Variants in TNRC6A observed in about 807,000 individuals in gnomAD.
TNRC6A encodes trinucleotide repeat containing adaptor 6A, also known as trinucleotide repeat-containing gene 6A protein.
TNRC6A carries 44 observed loss-of-function variants against 221.2 expected under a neutral mutation model. That is an observed-to-expected ratio of 0.20 (90% CI 0.16 to 0.26). The LOEUF (loss-of-function observed/expected upper bound fraction) is 0.26, where lower values mean the gene tolerates loss of function less well. Among genes scored for constraint, TNRC6A ranks in the 10% least tolerant of loss-of-function variants. The pLI, the probability that TNRC6A is intolerant of heterozygous loss-of-function variation, is 1.00. For synonymous variants in TNRC6A, 847 were observed against 838.5 expected, an observed-to-expected ratio of 1.01 and a Z score of -0.18; for missense variants, 2,199 against 2,404.4, an observed-to-expected ratio of 0.91 and a Z score of 1.79.
intron 14 of TNRC6A, 34 bp from the exon 15 acceptor site, chr16:24,805,571 A>T (rs780780864): frequency 5.6e-6 from 9 of 1,612,290 alleles, no homozygotes; most frequent in Non-Finnish European, 7.6e-6. Flanking sequence ...GAGTTATTTT[A>T]TCAAGATCAT....
intron 2 of TNRC6A, among the ~76,000 whole-genome samples, chr16:24,667,996 G>A (rs1053848456): frequency 6.6e-6 from 1 of 152,110 alleles, no homozygotes; most frequent in Admixed American, 6.6e-5. Flanking sequence ...CTGCACTCCA[G>A]TCATGGCAAC....
chr16:24,621,526 T>G (rs930746681), intron 1 of TNRC6A, among the ~76,000 whole-genome samples: 1 of 151,660 alleles, frequency 6.6e-6, no homozygotes, highest in Non-Finnish European at 1.5e-5. Flanking sequence ...CCCAACTAAT[T>G]TTTGTATTTT....
chr16:24,749,650 G>T (rs989467063), intron 2 of TNRC6A, among the ~76,000 whole-genome samples: 10 of 152,134 alleles, frequency 6.6e-5, no homozygotes, highest in African/African-American at 2.2e-4. Context: ...TTATTCTTGG[G>T]TGGGGTGGCT....
chr16:24,660,768 G>A (rs1185533221), intron 2 of TNRC6A, among the ~76,000 whole-genome samples: 2 of 120,226 alleles, frequency 1.7e-5, no homozygotes, highest in Admixed American at 2.1e-4. Flanking sequence ...TTGAGACGGA[G>A]TCTCGCTCTG....
intron 2 of TNRC6A, among the ~76,000 whole-genome samples, chr16:24,660,871 A>G (rs1270379820): frequency 2.0e-5 from 3 of 150,110 alleles, no homozygotes; most frequent in African/African-American, 4.9e-5. Context: ...CCTCCCGAGT[A>G]GCTGGGACTA....
intron 3 of TNRC6A, among the ~76,000 whole-genome samples, chr16:24,751,282 A>G (rs1483146612): frequency 6.6e-6 from 1 of 152,160 alleles, no homozygotes; most frequent in Non-Finnish European, 1.5e-5. Flanking sequence ...GAAATAGAGT[A>G]TTAAAGGAAA....
chr16:24,797,355 ATAAGAG>A, intron 9 of TNRC6A, 129 bp from the exon 10 acceptor site: 1 of 597,748 alleles, frequency 1.7e-6, no homozygotes, highest in Non-Finnish European at 2.9e-6. Flanking sequence ...AACAACTCTG[ATAAGAG>A]TTGATTGGAG....
chr16:24,694,556 G>A (rs2055819424), intron 2 of TNRC6A, among the ~76,000 whole-genome samples: 1 of 150,746 alleles, frequency 6.6e-6, no homozygotes, highest in South Asian at 2.1e-4. Flanking sequence ...TCAGGAGGCT[G>A]AGGCAGGAGA....
At chr16:24,815,006 C>T in intron 18 of TNRC6A, 141 bp from the exon 19 acceptor site, 1 of 863,182 alleles carries the variant, frequency 1.2e-6, no homozygotes, top group Non-Finnish European at 1.8e-6. Context: ...GTTAGAATCT[C>T]AATATAAAAG....
intron 2 of TNRC6A, among the ~76,000 whole-genome samples, chr16:24,659,029 G>A (rs1218103022): frequency 6.6e-6 from 1 of 151,696 alleles, no homozygotes; most frequent in African/African-American, 2.4e-5. Flanking sequence ...GGCTGGTCTT[G>A]AACTCCTGAG....
Position 24,716,731 on chromosome 16 carries a change from G to A in TNRC6A, n.403-33995G>A, listed in dbSNP as rs757443067. Among the ~76,000 whole-genome samples, 3 of 151,826 alleles carry A rather than the reference G, an allele frequency of 2.0e-5. No homozygotes were observed. In the South Asian group the frequency reaches 6.2e-4, roughly 32 times the overall value. On this transcript the variant is annotated intron_variant and non_coding_transcript_variant, in intron 2 of 2. Coordinates refer to the TNRC6A transcript ENST00000566108. ...TCCTAGCACTTTGGGAGGCTGAGGC[G>A]GGCAGATCACAAGGTCAAGAGATAG...
chr16:24,627,274 C>T (rs78826828), intron 1 of TNRC6A, among the ~76,000 whole-genome samples: 2,157 of 152,100 alleles, frequency 0.014, 56 homozygotes, highest in African/African-American at 0.05. Context: ...TCGATTGTTT[C>T]GGAGGCCCTA....
intron 2 of TNRC6A, among the ~76,000 whole-genome samples, chr16:24,722,241 T>A (rs2056421932): frequency 6.6e-6 from 1 of 151,904 alleles, no homozygotes; most frequent in Non-Finnish European, 1.5e-5. Flanking sequence ...CAAGAACCCA[T>A]CTCTATAAAA....
At chr16:24,804,432 C>T (rs1338399391) in intron 12 of TNRC6A, 113 bp downstream of exon 12, 1 of 1,273,812 alleles carries the variant, frequency 7.9e-7, no homozygotes, top group African/African-American at 1.5e-5. Context: ...CAATCCACTA[C>T]CAAATCTTAT....
chr16:24,644,150 G>A (rs113514040), intron 2 of TNRC6A, among the ~76,000 whole-genome samples: 26,198 of 138,292 alleles, frequency 0.19, 2,585 homozygotes, highest in African/African-American at 0.24. Flanking sequence ...GCAGTGGCGC[G>A]ATCTTGGCTC....
In TNRC6A at chr16:24,770,209, G is replaced by GT. The variant is rs573412509; in HGVS notation, c.164-6723dup. On this transcript the variant is annotated intron_variant, in intron 4 of 24. Coordinates refer to ENST00000395799, the MANE Select transcript of TNRC6A (RefSeq NM_014494.4). The stretch of plus-strand genomic sequence containing the variant: ...CGTGATACGTTTTGGGGAATTGCAA[G>GT]TATTTGGTGTGGTAGAAGAGAATGC... 1.6e-3 allele frequency among the ~76,000 whole-genome samples: 239 copies of GT among 152,330 alleles called. 2 individuals carry two copies. Among genetic ancestry groups the GT allele is most frequent in the African/African-American group, 5.4e-3 (226 of 41,574 alleles).
chr16:24,819,030 C>CT (rs1295405004), intron 21 of TNRC6A, among the ~76,000 whole-genome samples: 27 of 151,808 alleles, frequency 1.8e-4, no homozygotes, highest in Non-Finnish European at 3.7e-4. Flanking sequence ...TCCTCATAGA[C>CT]TGATACTTTT....
At chr16:24,809,215 A>G (rs751505890) in intron 17 of TNRC6A, 135 bp from the exon 18 acceptor site, 3 of 779,540 alleles carry the variant, frequency 3.8e-6, no homozygotes, top group Non-Finnish European at 5.3e-6. Context: ...TTCTACGTAT[A>G]ACTAAATTAT....
chr16:24,725,425 G>C (rs990758294), upstream of TNRC6A, among the ~76,000 whole-genome samples: 2 of 151,860 alleles, frequency 1.3e-5, no homozygotes, highest in African/African-American at 4.8e-5. Flanking sequence ...CATTTGCCTC[G>C]GTCTGGCAGA....
Sources: gnomAD v4.1 joint callset for allele counts (sites outside exome capture counted in the v4.1 genomes callset) on GRCh38, gnomAD v4.1.1 for gene constraint, MANE v1.5 for transcripts, NCBI Gene and HGNC (gene_info 2026-07-23, HGNC 2026-07-21) for gene names.